RPS6KC1: variants seen among roughly 807,000 people sequenced by gnomAD.
The protein encoded by RPS6KC1 is inactive ribosomal protein S6 kinase delta-1.
A neutral mutation model predicts 103.8 loss-of-function variants in RPS6KC1; 54 were observed. The ratio of observed to expected loss-of-function variants is 0.52; its 90% confidence interval spans 0.42 to 0.65. The LOEUF is 0.65. RPS6KC1 is among the 30% of genes least tolerant of loss of function. RPS6KC1 has a pLI of 0.00. For synonymous variants in RPS6KC1, 439 were observed against 438.7 expected, an observed-to-expected ratio of 1.00 and a Z score of -0.01; for missense variants, 1,151 against 1,253.8, an observed-to-expected ratio of 0.92 and a Z score of 1.24.
chr1:213,709,905 C>A, the RPS6KC1 span, among the ~76,000 whole-genome samples: 1 of 152,220 alleles, frequency 6.6e-6, no homozygotes, highest in Non-Finnish European at 1.5e-5. Flanking sequence ...GATTTCCATT[C>A]TTTTGCATTT....
intron 6 of RPS6KC1, among the ~76,000 whole-genome samples, chr1:213,153,321 G>T (rs1222668903): frequency 1.3e-5 from 2 of 151,802 alleles, no homozygotes; most frequent in African/African-American, 4.8e-5. Flanking sequence ...GCAGGGGCAG[G>T]GGCAGGGGCA....
At chr1:213,377,275 C>T in the RPS6KC1 span, among the ~76,000 whole-genome samples, 1 of 152,146 alleles carries the variant, frequency 6.6e-6, no homozygotes, top group Non-Finnish European at 1.5e-5. Flanking sequence ...AAGGAAGTTC[C>T]GTTGAAATTC....
the RPS6KC1 span, among the ~76,000 whole-genome samples, chr1:213,384,432 A>G: frequency 6.6e-6 from 1 of 152,164 alleles, no homozygotes; most frequent in African/African-American, 2.4e-5. Context: ...AGGAGCCTCC[A>G]GGTCTGTGAT....
chr1:213,219,179 C>G (rs559677674), intron 8 of RPS6KC1, among the ~76,000 whole-genome samples: 7 of 152,186 alleles, frequency 4.6e-5, no homozygotes, highest in African/African-American at 1.7e-4. Flanking sequence ...AAATGTAACC[C>G]CATCAACAAG....
At chr1:213,852,876 C>T in the RPS6KC1 span, among the ~76,000 whole-genome samples, 3 of 152,276 alleles carry the variant, frequency 2.0e-5, no homozygotes, top group South Asian at 6.2e-4. Context: ...GTGCGTGACA[C>T]ATTTGCTTGG....
chr1:213,109,896 G>C (rs2082854738), intron 4 of RPS6KC1, among the ~76,000 whole-genome samples: 1 of 151,640 alleles, frequency 6.6e-6, no homozygotes, highest in Non-Finnish European at 1.5e-5. Flanking sequence ...TGTTTTTAAG[G>C]TTCATCCAGG....
intron 3 of RPS6KC1, among the ~76,000 whole-genome samples, chr1:213,100,124 G>T (rs2081882812): frequency 6.6e-6 from 1 of 152,036 alleles, no homozygotes; most frequent in South Asian, 2.1e-4. Context: ...ACCAACATTG[G>T]GCATTATCAG....
chr1:213,735,833 G>A, the RPS6KC1 span, among the ~76,000 whole-genome samples: 64 of 152,208 alleles, frequency 4.2e-4, no homozygotes, highest in Non-Finnish European at 7.9e-4. Flanking sequence ...GTACAAGGAA[G>A]GTGATTCTAG....
chr1:213,239,249 G>A (rs926006365), intron 10 of RPS6KC1, among the ~76,000 whole-genome samples: 6 of 151,920 alleles, frequency 3.9e-5, no homozygotes, highest in Non-Finnish European at 7.4e-5. Flanking sequence ...GAGGCAGGAG[G>A]ATAACTTGAA....
chr1:213,743,390 A>C, the RPS6KC1 span, among the ~76,000 whole-genome samples: 2 of 152,196 alleles, frequency 1.3e-5, no homozygotes, highest in Admixed American at 1.3e-4. Context: ...TAGAAGATGA[A>C]AGAAAGGAGA....
At chr1:213,193,256 ATTTTCTT>A (rs1391023170) in intron 8 of RPS6KC1, among the ~76,000 whole-genome samples, 2 of 151,268 alleles carry the variant, frequency 1.3e-5, no homozygotes, top group African/African-American at 2.4e-5. Context: ...TTCTTTTTTG[ATTTTCTT>A]TTTTCTTTTT....
chr1:213,076,950 A>G (rs1572375183), intron 2 of RPS6KC1, among the ~76,000 whole-genome samples: 1 of 151,826 alleles, frequency 6.6e-6, no homozygotes, highest in Admixed American at 6.6e-5. Flanking sequence ...GCTCACTGCA[A>G]CCTCTGTCTC....
chr1:213,851,543 G>A, the RPS6KC1 span, among the ~76,000 whole-genome samples: 1 of 152,022 alleles, frequency 6.6e-6, no homozygotes, highest in South Asian at 2.1e-4. Context: ...GACACGTTGA[G>A]CGAGATTGCC....
chr1:213,121,175 TCTC>T (rs1379324709), intron 5 of RPS6KC1, among the ~76,000 whole-genome samples: 1 of 152,170 alleles, frequency 6.6e-6, no homozygotes, highest in African/African-American at 2.4e-5. Flanking sequence ...CGCAAGTGAT[TCTC>T]CTGGCCTTGG....
At chr1:213,707,298 A>T in the RPS6KC1 span, among the ~76,000 whole-genome samples, 9 of 152,094 alleles carry the variant, frequency 5.9e-5, no homozygotes, top group African/African-American at 2.2e-4. Context: ...TCTAATGAAC[A>T]GTGATGATGA....
chr1:213,862,170 C>A, the RPS6KC1 span, among the ~76,000 whole-genome samples: 1 of 152,172 alleles, frequency 6.6e-6, no homozygotes, highest in African/African-American at 2.4e-5. Flanking sequence ...GCTACGTAGT[C>A]CTAATAAGGC....
chr1:213,273,392 GGGAA>G lies in RPS6KC1; in HGVS notation c.*761_*764del, dbSNP rs1425064598. 1 of 152,542 alleles carries G rather than the reference GGGAA, an allele frequency of 6.6e-6. No homozygotes were observed. The highest frequency in any genetic ancestry group is 1.5e-5 in the Non-Finnish European group (1 of 68,016). The allele number at this position is 152,542 out of a possible 1,614,324, so 9.4% of individuals were successfully genotyped here. On this transcript the variant is annotated 3_prime_UTR_variant, in exon 15 of 15. Coordinates refer to ENST00000366960, the MANE Select transcript of RPS6KC1 (RefSeq NM_012424.6). ...CTGCTAACACACATGCAACAAAAAA[GGGAA>G]GGGAGTGCTTATTTCCCTTTGTGTA...
At chr1:213,494,627 G>C in the RPS6KC1 span, among the ~76,000 whole-genome samples, 1 of 151,960 alleles carries the variant, frequency 6.6e-6, no homozygotes, top group African/African-American at 2.4e-5. Context: ...AGGAGAAAAG[G>C]ATGAAAAATA....
chr1:213,383,634 C>T, the RPS6KC1 span, among the ~76,000 whole-genome samples: 2 of 152,264 alleles, frequency 1.3e-5, no homozygotes, highest in South Asian at 4.1e-4. Context: ...GAGACCGGGC[C>T]TCTAAGGAAG....
Sources: gnomAD v4.1 joint callset for allele counts (sites outside exome capture counted in the v4.1 genomes callset) on GRCh38, gnomAD v4.1.1 for gene constraint, MANE v1.5 for transcripts, NCBI Gene and HGNC (gene_info 2026-07-23, HGNC 2026-07-21) for gene names.